USP39: variants seen among roughly 807,000 people sequenced by gnomAD.
The protein encoded by USP39 is ubiquitin specific peptidase 39.
In USP39, 38 loss-of-function variants were observed where a neutral mutation model predicts 66.4. The observed-to-expected ratio is 0.57, with a 90% CI of 0.44 to 0.75. USP39 has a LOEUF of 0.75. Ranked by LOEUF, USP39 falls within the 30% of genes least tolerant of loss-of-function variation. The probability of loss-of-function intolerance (pLI) is 0.00; values close to 1 mark genes in which losing one functional copy is unlikely to be tolerated. For synonymous variants in USP39, 303 were observed against 274.6 expected (o/e 1.10, Z -1.02); for missense variants, 608 against 714.4 (o/e 0.85, Z 1.70).
chr2:85,633,831 CTTTTTTTT>C (rs35970499), intron 6 of USP39, among the ~76,000 whole-genome samples: 2 of 78,970 alleles, frequency 2.5e-5, no homozygotes, highest in Non-Finnish European at 4.7e-5. Context: ...CGAGTAGTGG[CTTTTTTTT>C]TTTTTTTTTT....
chr2:85,643,641 A>G (rs1285165110), intron 10 of USP39, among the ~76,000 whole-genome samples: 1 of 136,652 alleles, frequency 7.3e-6, no homozygotes, highest in Non-Finnish European at 1.5e-5. Context: ...CTCAGGACTC[A>G]TATCTCCTTT....
intron 6 of USP39, among the ~76,000 whole-genome samples, chr2:85,633,564 G>T (rs1319501587): frequency 2.0e-5 from 3 of 152,142 alleles, no homozygotes; most frequent in Non-Finnish European, 2.9e-5. Context: ...GAGCCCAGGA[G>T]TTAGAGACCA....
At chr2:85,620,368 T>G (rs1364349379) in intron 2 of USP39, among the ~76,000 whole-genome samples, 1 of 151,392 alleles carries the variant, frequency 6.6e-6, no homozygotes, top group Non-Finnish European at 1.5e-5. Context: ...AGTCCCAGCT[T>G]CTTGGGGGGC....
chr2:85,611,585 G>A, upstream of USP39: 4 of 1,551,996 alleles, frequency 2.6e-6, no homozygotes, highest in Non-Finnish European at 3.5e-6. Flanking sequence ...TTAGGAGTAA[G>A]AAGTGGTTTT....
In USP39 at chr2:85,616,467, C is replaced by T. The variant is rs1346745996; in HGVS notation, c.268+4C>T. 4 of 1,506,152 alleles carry T rather than the reference C, an allele frequency of 2.7e-6. No individual in the cohort carries two copies. Among genetic ancestry groups the T allele is most frequent in the South Asian group, 1.2e-5 (1 of 81,934 alleles). The allele number at this position is 1,506,152 out of a possible 1,614,324, so 93.3% of individuals were successfully genotyped here. A position where few individuals can be genotyped will look rare whatever the true frequency, so the allele number is the denominator to read the frequency against. On this transcript the variant is annotated splice_donor_region_variant and intron_variant, in intron 1 of 12. Transcript: ENST00000323701. ...GAGCCTGAGCGGGAGGTGCGAGGTGCGCGGGGCCGGGCCGGGCTAGGCGCG... is the reference window on the plus strand; with the variant it reads ...GAGCCTGAGCGGGAGGTGCGAGGTGTGCGGGGCCGGGCCGGGCTAGGCGCG...
upstream of USP39, chr2:85,608,739 A>G: frequency 2.6e-6 from 1 of 391,772 alleles, no homozygotes; most frequent in Non-Finnish European, 4.4e-6. Context: ...AGAATTCCAG[A>G]ATATCAGGCT....
Position 85,630,949 on chromosome 2 carries a change from A to AT in USP39, c.949+3_949+4insT, listed in dbSNP as rs1026359290. The AT allele has an allele frequency of 8.7e-6, 14 of 1,613,034 alleles. No homozygotes were observed. Among genetic ancestry groups the AT allele is most frequent in the African/African-American group, 1.3e-5 (1 of 74,894 alleles). On this transcript the variant is annotated splice_donor_region_variant and intron_variant, in intron 6 of 12. Transcript: ENST00000323701. ...GACTTTTCAGATCACCAAACAAGGT[A>AT]AGAACAAGTCATTCATGTTTCAGGA...
intron 5 of USP39, 45 bp downstream of exon 5, chr2:85,625,736 A>G (rs115784820): frequency 0.014 from 23,172 of 1,598,682 alleles, 202 homozygotes; most frequent in Non-Finnish European, 0.017. Flanking sequence ...GACACCCAGA[A>G]GGCTGAGCAC....
rs1676775368 is a variant in USP39, at chr2:85,647,963, C to T, written c.1597C>T (p.Gln533Ter). 6.2e-7 allele frequency: 1 copy of T among 1,614,034 alleles called. No homozygotes were observed. The highest frequency in any genetic ancestry group is 1.7e-5 in the Admixed American group (1 of 59,998). The change falls in exon 12 of 13, where the codon CAG becomes TAG. Residue 533 changes from glutamine to a stop codon, truncating the protein, a stop_gained. Transcript: ENST00000323701. LOFTEE classifies it high-confidence loss of function. ...TGKWYELQDL[Q>*]VTDILPQMIT... ...CAAATGGTATGAATTACAAGACCTC[C>T]AGGTGACTGACATCCTTCCCCAGAT...
At chr2:85,608,858 T>C (rs1275792651), upstream of USP39, 42 of 1,562,194 alleles carry the variant, frequency 2.7e-5, no homozygotes, top group South Asian at 3.2e-4. Flanking sequence ...TCAGACAAAC[T>C]GGTCCTGGTA....
rs1334960848 is a variant in USP39 at position 85,631,333 on chromosome 2, T to A, written c.949+387T>A. Reference sequence around the variant, plus strand: ...CCGGCCTTTTTTTTTTTTTTTTTTTTAAGAGACAGTCTTGCTCTTTTGACC... The same window carrying A: ...CCGGCCTTTTTTTTTTTTTTTTTTTAAAGAGACAGTCTTGCTCTTTTGACC... On this transcript the variant is annotated intron_variant, in intron 6 of 12. Transcript: ENST00000323701. Among the ~76,000 whole-genome samples, 7 of 146,068 alleles carry A rather than the reference T, an allele frequency of 4.8e-5. No homozygotes were observed. The South Asian group carries it at 6.4e-4, about 13-fold the overall frequency.
chr2:85,616,919 T>A (rs997591608), intron 1 of USP39, among the ~76,000 whole-genome samples: 1 of 151,948 alleles, frequency 6.6e-6, no homozygotes, highest in East Asian at 1.9e-4. Context: ...CTCGATCTCC[T>A]GACTTCGTGA....
At position 85,623,727 on chromosome 2, in the gene USP39, TTTAC is replaced by T. The variant is rs746189738; in HGVS notation, c.517_520del (p.Tyr173AlafsTer20). Reference sequence around the variant, plus strand: ...TTCCTCAACCTCCACACCCTCAAGTTTTACTGCCTTCCAGACAACTATGAGATCA... The same window carrying T: ...TTCCTCAACCTCCACACCCTCAAGTTTGCCTTCCAGACAACTATGAGATCA... On this transcript the variant is annotated frameshift_variant, in exon 4 of 13. Transcript: ENST00000323701. LOFTEE classifies it high-confidence loss of function. 1.2e-5 allele frequency: 20 copies of T among 1,613,930 alleles called. No individual in the cohort carries two copies. The highest frequency in any genetic ancestry group is 1.7e-5 in the Non-Finnish European group (20 of 1,179,952).
At chr2:85,613,880 C>T (rs550806468), upstream of USP39, among the ~76,000 whole-genome samples, 6 of 152,154 alleles carry the variant, frequency 3.9e-5, no homozygotes, top group South Asian at 1.0e-3. Context: ...CAGGCCCAAA[C>T]GATCCTCCTG....
chr2:85,648,693 A>G (rs373478525), intron 12 of USP39, 68 bp from the exon 13 acceptor site: 50 of 1,551,968 alleles, frequency 3.2e-5, no homozygotes, highest in East Asian at 1.1e-4. Context: ...GGCACAGAAT[A>G]GGTATTTGAT....
chr2:85,644,780 A>G (rs1676514928), intron 10 of USP39, among the ~76,000 whole-genome samples, 168 bp from the exon 11 acceptor site: 1 of 151,026 alleles, frequency 6.6e-6, no homozygotes, highest in Non-Finnish European at 1.5e-5. Context: ...TCATTTTGGC[A>G]TATTTTGTGA....
chr2:85,641,907 T>TAA (rs759697072), intron 10 of USP39, among the ~76,000 whole-genome samples: 47 of 91,294 alleles, frequency 5.1e-4, no homozygotes, highest in African/African-American at 1.7e-3. Flanking sequence ...GTGACTGTGC[T>TAA]AAAAAAAAAA....
chr2:85,606,101 G>C (rs1481898145), intron 1 of USP39, among the ~76,000 whole-genome samples: 1 of 152,130 alleles, frequency 6.6e-6, no homozygotes, highest in Admixed American at 6.5e-5. Flanking sequence ...TAAAATACAG[G>C]CTTAAATTCA....
At chr2:85,616,911 C>G (rs952044335) in intron 1 of USP39, among the ~76,000 whole-genome samples, 1 of 151,692 alleles carries the variant, frequency 6.6e-6, no homozygotes, top group African/African-American at 2.4e-5. Context: ...AGGATGGTCT[C>G]GATCTCCTGA....
Sources: allele counts gnomAD v4.1 joint callset (sites outside exome capture counted in the v4.1 genomes callset), GRCh38; gene constraint gnomAD v4.1.1; transcripts MANE v1.5; gene names NCBI Gene and HGNC (gene_info 2026-07-23, HGNC 2026-07-21).